Variants in MIOS observed in about 807,000 individuals in gnomAD.
MIOS encodes the protein meiosis regulator for oocyte development.
In MIOS, 52 loss-of-function variants were observed where a neutral mutation model predicts 96.9. The ratio of observed to expected loss-of-function variants is 0.54; its 90% CI spans 0.43 to 0.68. The LOEUF is 0.68. Ranked by LOEUF, MIOS falls within the 30% of genes least tolerant of loss-of-function variation. The pLI is 0.00. For synonymous variants in MIOS, 397 were observed against 359.5 expected (o/e 1.10, Z -1.18); for missense variants, 1,005 against 1,052.8 (o/e 0.95, Z 0.63).
In MIOS at chr7:7,594,172, A is replaced by T. The variant is rs530461228; in HGVS notation, c.2044-808A>T. On this transcript the variant is annotated intron_variant, in intron 9 of 12. Coordinates refer to ENST00000340080, the MANE Select transcript of MIOS (RefSeq NM_019005.4). ...AATGTATGTTTTAATTGAAGGCAAG[A>T]GTAAGAATAGACAGGTTTAACTTAC... is the stretch of plus-strand genomic sequence containing the variant. Among the ~76,000 whole-genome samples, 5 of 152,344 alleles carry T rather than the reference A, an allele frequency of 3.3e-5. No homozygotes were observed. In the South Asian group the frequency reaches 1.0e-3, roughly 32 times the overall value.
At chr7:7,605,826 A>G (rs1367058150) in intron 11 of MIOS, 116 bp from the exon 12 acceptor site, 7 of 1,055,572 alleles carry the variant, frequency 6.6e-6, no homozygotes, top group African/African-American at 6.4e-5. Flanking sequence ...CAAAATTGCT[A>G]TTTCAATATG....
intron 7 of MIOS, among the ~76,000 whole-genome samples, chr7:7,587,530 C>T (rs1166158854): frequency 6.6e-6 from 1 of 152,158 alleles, no homozygotes; most frequent in Non-Finnish European, 1.5e-5. Context: ...TGACTCCTTG[C>T]TCTGCCCCAT....
At chr7:7,586,755 C>T (rs868303352) in intron 7 of MIOS, among the ~76,000 whole-genome samples, 1 of 151,956 alleles carries the variant, frequency 6.6e-6, no homozygotes, top group Non-Finnish European at 1.5e-5. Context: ...CAAATTAATA[C>T]GTATAATGTT....
chr7:7,572,324 T>G lies in MIOS; in HGVS notation c.-40-112T>G. ...ATAGAGAGAAGAAATACAAATATAT[T>G]GAAAAAGAGGGTTCTTGAATAGAGA... On this transcript the variant is annotated intron_variant, in intron 3 of 12. Coordinates refer to ENST00000340080, the MANE Select transcript of MIOS (RefSeq NM_019005.4). The surrounding 1 kb of genome is among the most constrained non-coding windows in gnomAD (Gnocchi z 4.8). 2 of 505,214 alleles carry G rather than the reference T, an allele frequency of 4.0e-6. No homozygotes were observed. The highest frequency in any genetic ancestry group is 6.9e-6 in the Non-Finnish European group (2 of 291,336). 31.3% of individuals were successfully genotyped at this position (505,214 alleles called of 1,614,324 possible).
At chr7:7,579,583 T>A (rs963217637) in intron 5 of MIOS, among the ~76,000 whole-genome samples, 2 of 152,236 alleles carry the variant, frequency 1.3e-5, no homozygotes, top group African/African-American at 4.8e-5. Context: ...TTGTCTTCCC[T>A]GGGCCACAAT....
At position 7,566,933 on chromosome 7, in the gene MIOS, G is replaced by C. The variant is rs1783155760; in HGVS notation, c.-360G>C. 1 of 152,148 alleles carries C rather than the reference G, an allele frequency of 6.6e-6. No homozygotes were observed. Among genetic ancestry groups the C allele is most frequent in the Admixed American group, 6.5e-5 (1 of 15,276 alleles). The allele number at this position is 152,148 out of a possible 1,614,324, so 9.4% of individuals were successfully genotyped here. ...GCGCGTCCTCCAGGCGTGGTGGTGG[G>C]GTCGTGGGTCCCAGCCCAGTGGTCC... On this transcript the variant is annotated 5_prime_UTR_variant, in exon 1 of 13. Coordinates refer to ENST00000340080, the MANE Select transcript of MIOS (RefSeq NM_019005.4).
At chr7:7,568,886 A>G (rs1243219587) in intron 3 of MIOS, among the ~76,000 whole-genome samples, 1 of 152,238 alleles carries the variant, frequency 6.6e-6, no homozygotes, top group Non-Finnish European at 1.5e-5. Context: ...GAAGTATTTT[A>G]GGTGCATAAC....
In MIOS at chr7:7,595,004, G is replaced by C; in HGVS notation, c.2068G>C (p.Asp690His). 3 of 1,608,080 alleles carry C rather than the reference G, an allele frequency of 1.9e-6. No homozygotes were observed. The highest frequency in any genetic ancestry group is 2.5e-6 in the Non-Finnish European group (3 of 1,178,082). ...GGGTTCACCTTTAGATGTTCTTAAAGATGAAAGGGTTCAGTACTGGATTGA... is the reference window on the plus strand; with the variant it reads ...GGGTTCACCTTTAGATGTTCTTAAACATGAAAGGGTTCAGTACTGGATTGA... ...LQGSPLDVLK[D>H]ERVQYWIENY... is the part of the protein sequence containing the mutation. The change falls in exon 10 of 13, where the codon GAT becomes CAT. Residue 690 changes from aspartate to histidine, a missense_variant. By Grantham distance (81) the Asp-to-His change is moderately conservative. Around this residue, in one of 3 missense-constraint regions of MIOS, gnomAD observed 865 missense variants for 887.9 expected, o/e 0.97. Transcript: ENST00000340080.
chr7:7,604,436 T>C (rs1302891440), intron 11 of MIOS, among the ~76,000 whole-genome samples: 1 of 152,224 alleles, frequency 6.6e-6, no homozygotes, highest in African/African-American at 2.4e-5. Context: ...ATAAACATTA[T>C]AAATATTATT....
intron 9 of MIOS, among the ~76,000 whole-genome samples, chr7:7,592,577 G>C (rs1784079531): frequency 6.6e-6 from 1 of 151,906 alleles, no homozygotes; most frequent in Non-Finnish European, 1.5e-5. Flanking sequence ...GAATCAGTGG[G>C]AGCTCTGAGG....
At chr7:7,570,905 G>A (rs538202225) in intron 3 of MIOS, among the ~76,000 whole-genome samples, 2 of 152,314 alleles carry the variant, frequency 1.3e-5, no homozygotes, top group African/African-American at 4.8e-5. Context: ...ACTGGTCTGC[G>A]GCCCTGGGAG....
rs959975951 is a variant in MIOS at position 7,574,283 on chromosome 7, A to G, written c.1393+87A>G. 36 of 936,686 alleles carry G rather than the reference A, an allele frequency of 3.8e-5. No individual in the cohort carries two copies. In the African/African-American group the frequency reaches 4.6e-4, roughly 12 times the overall value. 58.0% of individuals were successfully genotyped at this position (936,686 alleles called of 1,614,324 possible). ...CCCTGTCATTTGGCAGAAATTATCT[A>G]GTTATTTCAGGATCATGTACATAAT... On this transcript the variant is annotated intron_variant, in intron 5 of 12. Transcript: ENST00000340080.
Position 7,572,577 on chromosome 7 carries a change from G to C in MIOS, c.102G>C (p.Val34=). 3 of 1,614,054 alleles carry C rather than the reference G, an allele frequency of 1.9e-6. No homozygotes were observed. In the South Asian group the frequency reaches 3.3e-5, roughly 18 times the overall value. The change falls in exon 4 of 13, where the codon GTG becomes GTC. Residue 34 remains valine, a synonymous_variant. Transcript: ENST00000340080. This position sits in a 1 kb window ranked among gnomAD's most constrained non-coding sequence, Gnocchi z 4.8. Reference sequence around the variant, plus strand: ...GTCTTTATCATGTGGAATCTACTGTGAATTCAGAACTCAAAGCTGGATCTT... The same window carrying C: ...GTCTTTATCATGTGGAATCTACTGTCAATTCAGAACTCAAAGCTGGATCTT... ...ELSLYHVEST[V]NSELKAGSLR...
intron 5 of MIOS, 111 bp downstream of exon 5, chr7:7,574,307 A>T (rs960771628): frequency 4.0e-6 from 3 of 759,074 alleles, no homozygotes; most frequent in Non-Finnish European, 6.1e-6. Context: ...CATGTACATA[A>T]TTTTTTTTGT....
In MIOS at chr7:7,606,978, T is replaced by C. The variant is rs778212778; in HGVS notation, c.2532-18T>C. ...GTCTAATTTGGATTTTTAACTGTTA[T>C]TTGACCTATTTTTTTAGGGACCATG... On this transcript the variant is annotated intron_variant, in intron 12 of 12. Transcript: ENST00000340080. 3 of 1,576,406 alleles carry C rather than the reference T, an allele frequency of 1.9e-6. No homozygotes were observed. Among genetic ancestry groups the C allele is most frequent in the Non-Finnish European group, 2.6e-6 (3 of 1,151,116 alleles).
At chr7:7,582,950 A>T (rs1007275085) in intron 5 of MIOS, 168 bp from the exon 6 acceptor site, 51 of 798,344 alleles carry the variant, frequency 6.4e-5, no homozygotes, top group Non-Finnish European at 9.3e-5. Context: ...GTACTTAAAA[A>T]CATGCAAAAT....
At chr7:7,586,451 G>A (rs1343364433) in intron 7 of MIOS, among the ~76,000 whole-genome samples, 1 of 152,114 alleles carries the variant, frequency 6.6e-6, no homozygotes, top group Non-Finnish European at 1.5e-5. Context: ...ACCAGTTTTA[G>A]CTATTGGGTT....
At chr7:7,582,441 T>G (rs944910679) in intron 5 of MIOS, among the ~76,000 whole-genome samples, 2 of 152,220 alleles carry the variant, frequency 1.3e-5, no homozygotes, top group African/African-American at 4.8e-5. Flanking sequence ...ATCAACTGCC[T>G]TGATTGCAGT....
At chr7:7,569,250 C>T (rs1450798510) in intron 3 of MIOS, among the ~76,000 whole-genome samples, 1 of 152,164 alleles carries the variant, frequency 6.6e-6, no homozygotes, top group Non-Finnish European at 1.5e-5. Context: ...CCTCTTCCTC[C>T]TCATTCTTAA....
Sources: allele counts gnomAD v4.1 joint callset (sites outside exome capture counted in the v4.1 genomes callset), GRCh38; gene constraint gnomAD v4.1.1; regional missense constraint gnomAD v4.1.1; non-coding constraint Gnocchi (gnomAD v3.1); transcripts MANE v1.5; gene names NCBI Gene and HGNC (gene_info 2026-07-23, HGNC 2026-07-21).